TDRD5: variants seen among roughly 807,000 people sequenced by gnomAD.
The protein encoded by TDRD5 is tudor domain containing 5.
TDRD5 carries 41 observed loss-of-function variants against 120.6 expected under a neutral mutation model. That is an observed-to-expected ratio of 0.34 (90% CI 0.26 to 0.44). The LOEUF is 0.44. TDRD5 is among the 20% of genes least tolerant of loss of function. TDRD5 has a pLI of 1.00. For missense variants in TDRD5, 1,006 were observed against 1,221.2 expected, an observed-to-expected ratio of 0.82 and a Z score of 2.63; for synonymous variants, 430 against 433.7, an observed-to-expected ratio of 0.99 and a Z score of 0.11.
Position 179,595,654 on chromosome 1 carries a change from A to G in TDRD5, c.667A>G (p.Met223Val). The G allele has an allele frequency of 4.4e-6, 7 of 1,590,036 alleles. No homozygotes were observed. The highest frequency in any genetic ancestry group is 6.0e-6 in the Non-Finnish European group (7 of 1,172,344). Residue 223 changes from methionine (M) to valine (V), a missense_variant, in exon 4 of 18, where the codon ATG (methionine) becomes GTG (valine). This residue lies in a region of TDRD5 where 445 missense variants were observed against 515.5 expected (regional missense o/e 0.86). Coordinates refer to ENST00000444136, the MANE Select transcript of TDRD5 (RefSeq NM_001199085.3). ...TAAAATTTTTACCCAGCCATTTAGA[A>G]TGAAACAAGGGTCATACTCCACAGG... ...AGKIFTQPFRMKQGSYSTGFP... is the reference protein window; with the variant it reads ...AGKIFTQPFRVKQGSYSTGFP...
chr1:179,598,695 TTGACCTTGTATCCTG>T (rs1175557839), intron 4 of TDRD5, among the ~76,000 whole-genome samples: 4 of 151,996 alleles, frequency 2.6e-5, no homozygotes, highest in Admixed American at 6.5e-5. Context: ...TTTGGGTATG[TTGACCTTGTATCCTG>T]TGACCTTGAG....
chr1:179,668,486 GTAGTATCACCTACC>G (rs1478205151), intron 16 of TDRD5, among the ~76,000 whole-genome samples: 1 of 152,182 alleles, frequency 6.6e-6, no homozygotes, highest in Non-Finnish European at 1.5e-5. Context: ...GAAAGAAGAC[GTAGTATCACCTACC>G]TAGGACACCT....
In TDRD5 at chr1:179,635,780, C is replaced by A; in HGVS notation, c.1413C>A (p.Ser471=). 2.5e-6 allele frequency: 4 copies of A among 1,614,024 alleles called. No individual in the cohort carries two copies. The highest frequency in any genetic ancestry group is 3.4e-6 in the Non-Finnish European group (4 of 1,179,990). The change falls in exon 9 of 18, where the codon TCC becomes TCA. Residue 471 remains serine (S), a synonymous_variant. Coordinates refer to ENST00000444136, the MANE Select transcript of TDRD5 (RefSeq NM_001199085.3). ...LCRLPPLDTS[S]LIGVFVEYII... ...GACTCCCACCATTAGACACCAGTTC[C>A]CTCATAGGGGTCTTTGTGGAGTATA...
chr1:179,648,781 AAAAC>A (rs929372000), intron 11 of TDRD5, among the ~76,000 whole-genome samples: 13 of 110,142 alleles, frequency 1.2e-4, no homozygotes, highest in Admixed American at 7.6e-4. Flanking sequence ...TAAATACTAA[AAAAC>A]AATAAAAAAA....
chr1:179,640,493 T>C (rs768269907), intron 11 of TDRD5, 48 bp downstream of exon 11: 104 of 1,563,614 alleles, frequency 6.7e-5, no homozygotes, highest in Non-Finnish European at 8.9e-5. Context: ...TGAGTGCCTA[T>C]TATGTGCCAA....
At chr1:179,631,183 C>A (rs749041593) in intron 7 of TDRD5, among the ~76,000 whole-genome samples, 7 of 151,932 alleles carry the variant, frequency 4.6e-5, no homozygotes, top group Non-Finnish European at 8.8e-5. Context: ...CGAGGTCAGG[C>A]GATTGAGACC....
rs1678878734 is a variant in TDRD5 at position 179,654,381 on chromosome 1, G to A, written c.2322+19G>A. 2.0e-6 allele frequency: 3 copies of A among 1,514,914 alleles called. No individual in the cohort carries two copies. The highest frequency in any genetic ancestry group is 2.8e-5 in the African/African-American group (2 of 71,396). 93.8% of individuals were successfully genotyped at this position (1,514,914 alleles called of 1,614,324 possible). On this transcript the variant is annotated intron_variant, in intron 14 of 17. Coordinates refer to ENST00000444136, the MANE Select transcript of TDRD5 (RefSeq NM_001199085.3). ...AAATGAGGTAGGAGAAGGAAAGATAGTCTTTGAATATGTAATTAATATAAT... is the reference window on the plus strand; with the variant it reads ...AAATGAGGTAGGAGAAGGAAAGATAATCTTTGAATATGTAATTAATATAAT...
At chr1:179,648,788 TA>T (rs34286152) in intron 11 of TDRD5, among the ~76,000 whole-genome samples, 71,368 of 151,592 alleles carry the variant, frequency 0.47, 19,768 homozygotes, top group Non-Finnish European at 0.61. Context: ...TAAAAAACAA[TA>T]AAAAAAATAA....
chr1:179,657,650 G>A (rs544244574), intron 14 of TDRD5, among the ~76,000 whole-genome samples: 2 of 152,036 alleles, frequency 1.3e-5, no homozygotes, highest in South Asian at 4.2e-4. Context: ...CCGCTTTGCT[G>A]TTTTCTGGGA....
chr1:179,683,202 C>G (rs1303484838), intron 17 of TDRD5, among the ~76,000 whole-genome samples: 1 of 152,208 alleles, frequency 6.6e-6, no homozygotes, highest in Admixed American at 6.5e-5. Context: ...AAAGCACTTA[C>G]AGTTTGCCTT....
intron 6 of TDRD5, among the ~76,000 whole-genome samples, chr1:179,622,388 A>G (rs1206302025): frequency 6.6e-6 from 1 of 152,230 alleles, no homozygotes. Flanking sequence ...AACACAAACC[A>G]AAATTACTAG....
At chr1:179,684,106 G>A (rs190265171) in intron 17 of TDRD5, among the ~76,000 whole-genome samples, 1 of 152,084 alleles carries the variant, frequency 6.6e-6, no homozygotes, top group East Asian at 1.9e-4. Context: ...GTGCAGGTTT[G>A]TTACATATGT....
At chr1:179,598,334 A>G (rs73035970) in intron 4 of TDRD5, among the ~76,000 whole-genome samples, 6,740 of 152,300 alleles carry the variant, frequency 0.044, 389 homozygotes, top group African/African-American at 0.12. Context: ...TGCTTTGGAT[A>G]TTCTAGGTTT....
chr1:179,662,150 G>T lies in TDRD5; in HGVS notation c.2369G>T (p.Gly790Val), dbSNP rs772172908. 7 of 1,608,916 alleles carry T rather than the reference G, an allele frequency of 4.4e-6. No individual in the cohort carries two copies. Among genetic ancestry groups the T allele is most frequent in the Non-Finnish European group, 5.9e-6 (7 of 1,178,038 alleles). The part of the protein sequence containing the change: ...GMPCLESVTI[G>V]DDIWDENWLP... Reference sequence around the variant, plus strand: ...CCATGCCTGGAGTCAGTGACCATAGGTGATGATATTTGGGATGAGAACTGG... The same window carrying T: ...CCATGCCTGGAGTCAGTGACCATAGTTGATGATATTTGGGATGAGAACTGG... The change falls in exon 15 of 18, where the codon GGT becomes GTT. Residue 790 changes from glycine (G) to valine (V), a missense_variant. By Grantham distance (109) the Gly-to-Val change is moderately radical. This residue lies in a region of TDRD5 where 403 missense variants were observed against 448.1 expected (regional missense o/e 0.90). Coordinates refer to ENST00000444136, the MANE Select transcript of TDRD5 (RefSeq NM_001199085.3).
At chr1:179,666,132 G>C (rs1314643659) in intron 16 of TDRD5, among the ~76,000 whole-genome samples, 1 of 152,140 alleles carries the variant, frequency 6.6e-6, no homozygotes, top group Non-Finnish European at 1.5e-5. Context: ...TAAAATTCAA[G>C]TAGTTCTGAA....
intron 17 of TDRD5, 142 bp from the exon 18 acceptor site, chr1:179,690,551 ATCT>A: frequency 1.9e-6 from 2 of 1,076,262 alleles, no homozygotes; most frequent in South Asian, 1.7e-5. Context: ...TCTAAGTCTC[ATCT>A]TCTCTGATTA....
At chr1:179,667,180 C>T (rs1453964175) in intron 16 of TDRD5, among the ~76,000 whole-genome samples, 1 of 152,182 alleles carries the variant, frequency 6.6e-6, no homozygotes, top group Non-Finnish European at 1.5e-5. Flanking sequence ...CTCTAGGTTA[C>T]TGTTAGAAGG....
chr1:179,641,402 C>A (rs187594483), intron 11 of TDRD5, among the ~76,000 whole-genome samples: 1 of 151,882 alleles, frequency 6.6e-6, no homozygotes, highest in East Asian at 1.9e-4. Context: ...TGGTGGTGGG[C>A]GCCTGTAATC....
intron 4 of TDRD5, among the ~76,000 whole-genome samples, chr1:179,598,027 T>A (rs764154522): frequency 6.6e-6 from 1 of 152,218 alleles, no homozygotes; most frequent in Non-Finnish European, 1.5e-5. Flanking sequence ...TGTATGATCA[T>A]CATAGAATGC....
Sources: gnomAD v4.1 joint callset for allele counts (sites outside exome capture counted in the v4.1 genomes callset) on GRCh38, gnomAD v4.1.1 for gene constraint, gnomAD v4.1.1 regional missense constraint, MANE v1.5 for transcripts, NCBI Gene and HGNC (gene_info 2026-07-23, HGNC 2026-07-21) for gene names.